The following CTCF variants were observed in gnomAD, a reference collection of about 807,000 sequenced individuals.
The protein encoded by CTCF is transcriptional repressor CTCF.
A neutral mutation model predicts 72.3 loss-of-function variants in CTCF; 7 were observed. The observed-to-expected ratio is 0.10, with a 90% CI of 0.06 to 0.18. The LOEUF (loss-of-function observed/expected upper bound fraction) is 0.18. Ranked by LOEUF, CTCF falls within the 10% of genes least tolerant of loss-of-function variation. The pLI is 1.00. For missense variants in CTCF, 516 were observed against 949.1 expected, an observed-to-expected ratio of 0.54 and a Z score of 6.00; for synonymous variants, 374 against 315.8, an observed-to-expected ratio of 1.18 and a Z score of -1.95.
At chr16:67,585,541 C>G (rs1235430813) in intron 2 of CTCF, among the ~76,000 whole-genome samples, 2 of 152,190 alleles carry the variant, frequency 1.3e-5, no homozygotes, top group Non-Finnish European at 2.9e-5. Context: ...CTTCAATAAT[C>G]TTTATGTGAT....
rs1057185083 is a variant in CTCF, at chr16:67,637,700, T to C, written c.2012T>C (p.Ile671Thr). ...TCTTCTTTGCCAGCAACAGCTATCA[T>C]TCAGGTTGAAGACCAGAATACAGGT... is the stretch of plus-strand genomic sequence containing the variant. Reference protein sequence around the residue: ...QPKQNQPTAIIQVEDQNTGAI... With the variant: ...QPKQNQPTAITQVEDQNTGAI... Residue 671 changes from isoleucine (I) to threonine (T), a missense_variant, in exon 12 of 12, where the codon ATT (isoleucine) becomes ACT (threonine). Ile to Thr is a moderately conservative substitution (Grantham distance 89, BLOSUM62 -1). This residue lies in a region of CTCF where 157 missense variants were observed against 172.9 expected (regional missense o/e 0.91). Transcript: ENST00000264010. 1.2e-6 allele frequency: 2 copies of C among 1,612,726 alleles called. No homozygotes were observed. Among genetic ancestry groups the C allele is most frequent in the Non-Finnish European group, 1.7e-6 (2 of 1,179,152 alleles).
chr16:67,634,108 C>A (rs1466807997), intron 10 of CTCF, among the ~76,000 whole-genome samples: 1 of 152,134 alleles, frequency 6.6e-6, no homozygotes, highest in African/African-American at 2.4e-5. Context: ...CCAGCAAAAG[C>A]ATTTTTATTT....
intron 10 of CTCF, among the ~76,000 whole-genome samples, chr16:67,631,022 A>G (rs2052354851): frequency 6.6e-6 from 1 of 152,158 alleles, no homozygotes; most frequent in Non-Finnish European, 1.5e-5. Flanking sequence ...GATGCCTGAT[A>G]GTCTAGGGAT....
intron 2 of CTCF, among the ~76,000 whole-genome samples, chr16:67,579,768 G>A (rs73595567): frequency 0.042 from 6,412 of 152,166 alleles, 451 homozygotes; most frequent in African/African-American, 0.14. Flanking sequence ...CTTTAGGCTC[G>A]TGTACTAGTG....
chr16:67,635,336 T>G (rs1047712648), intron 10 of CTCF, among the ~76,000 whole-genome samples: 1 of 150,976 alleles, frequency 6.6e-6, no homozygotes, highest in African/African-American at 2.4e-5. Context: ...TGTTTTTTTG[T>G]TTTTTTTAAA....
Position 67,611,620 on chromosome 16 carries a change from C to T in CTCF, c.781+7C>T, listed in dbSNP as rs781397896. ...ACAAAAATTAAAAAGAAAGGTAAAA[C>T]GAGTTTATCCATAGTGGTTTCATAA... On this transcript the variant is annotated splice_region_variant and intron_variant, in intron 3 of 11. Coordinates refer to ENST00000264010, the MANE Select transcript of CTCF (RefSeq NM_006565.4). The T allele has an allele frequency of 2.6e-5, 42 of 1,607,176 alleles. 1 individual carries two copies. The highest frequency in any genetic ancestry group is 3.2e-5 in the Non-Finnish European group (38 of 1,177,782).
At chr16:67,583,715 C>T (rs1210347363) in intron 2 of CTCF, among the ~76,000 whole-genome samples, 1 of 151,602 alleles carries the variant, frequency 6.6e-6, no homozygotes, top group Non-Finnish European at 1.5e-5. Context: ...GAGCATATAT[C>T]TTGATGCTCT....
At chr16:67,621,019 T>C (rs1255588484) in intron 6 of CTCF, 1 of 435,522 alleles carries the variant, frequency 2.3e-6, no homozygotes. Context: ...TTTTGTTTTG[T>C]TCAACTTGAA....
At chr16:67,598,512 A>G (rs1242203360) in intron 2 of CTCF, among the ~76,000 whole-genome samples, 3 of 152,078 alleles carry the variant, frequency 2.0e-5, no homozygotes, top group African/African-American at 4.8e-5. Flanking sequence ...ATAGAAAGTT[A>G]TTATTACATG....
At chr16:67,581,739 G>A (rs928499642) in intron 2 of CTCF, among the ~76,000 whole-genome samples, 1 of 151,752 alleles carries the variant, frequency 6.6e-6, no homozygotes, top group African/African-American at 2.4e-5. Context: ...CTGACCTCAG[G>A]TGATCCACCC....
At chr16:67,628,843 G>A (rs1223957706) in intron 9 of CTCF, among the ~76,000 whole-genome samples, 1 of 152,168 alleles carries the variant, frequency 6.6e-6, no homozygotes. Context: ...GGTGGATCAC[G>A]AGGTCAGGAG....
chr16:67,634,288 A>G (rs1196852825), intron 10 of CTCF, among the ~76,000 whole-genome samples: 2 of 151,744 alleles, frequency 1.3e-5, no homozygotes, highest in African/African-American at 4.8e-5. Context: ...GCTCACTGCA[A>G]CCTCCGCCTC....
rs1410961820 is a variant in CTCF, at chr16:67,633,700, C to T, written c.1838-2990C>T. ...GTTAGAAGCTGCAGTGAGCTATGAC[C>T]GCACCAGTGCACTCCAGCCTGGGTG... On this transcript the variant is annotated intron_variant, in intron 10 of 11. Transcript: ENST00000264010. Among the ~76,000 whole-genome samples the T allele has an allele frequency of 5.3e-5, 8 of 151,846 alleles. No individual in the cohort carries two copies. The East Asian group carries it at 1.4e-3, about 26-fold the overall frequency.
At chr16:67,620,652 G>C (rs780915345) in intron 5 of CTCF, 45 bp from the exon 6 acceptor site, 1 of 1,476,424 alleles carries the variant, frequency 6.8e-7, no homozygotes, top group Admixed American at 1.8e-5. Flanking sequence ...TCTTGTTACA[G>C]TCTGTGTTAA....
chr16:67,574,352 A>G (rs1383758076), intron 2 of CTCF, among the ~76,000 whole-genome samples: 1 of 151,916 alleles, frequency 6.6e-6, no homozygotes, highest in Non-Finnish European at 1.5e-5. Flanking sequence ...TACTTTATTT[A>G]TTTATTTTTG....
chr16:67,609,693 G>A (rs1402578109), intron 2 of CTCF, among the ~76,000 whole-genome samples: 3 of 146,638 alleles, frequency 2.0e-5, no homozygotes, highest in Non-Finnish European at 4.5e-5. Context: ...GCGCGATCTT[G>A]GCTCACTGCA....
At chr16:67,609,709 C>T (rs1320485777) in intron 2 of CTCF, among the ~76,000 whole-genome samples, 2 of 151,672 alleles carry the variant, frequency 1.3e-5, no homozygotes, top group African/African-American at 4.8e-5. Flanking sequence ...CTGCAAGCTC[C>T]GCCTCCCAGG....
chr16:67,595,464 G>A (rs1316889929), intron 2 of CTCF, among the ~76,000 whole-genome samples: 1 of 152,064 alleles, frequency 6.6e-6, no homozygotes, highest in African/African-American at 2.4e-5. Flanking sequence ...TTTATCAAAG[G>A]TTTAGATAAG....
intron 7 of CTCF, among the ~76,000 whole-genome samples, chr16:67,624,693 ATCCTC>A (rs1182285057): frequency 6.6e-6 from 1 of 151,152 alleles, no homozygotes; most frequent in Non-Finnish European, 1.5e-5. Context: ...GGCTCAAGGA[ATCCTC>A]CCACCTCAGC....
Sources: gnomAD v4.1 joint callset for allele counts (sites outside exome capture counted in the v4.1 genomes callset) on GRCh38, gnomAD v4.1.1 for gene constraint, gnomAD v4.1.1 regional missense constraint, MANE v1.5 for transcripts, NCBI Gene and HGNC (gene_info 2026-07-23, HGNC 2026-07-21) for gene names.